UBC: variants seen among roughly 807,000 people sequenced by gnomAD.
The protein encoded by UBC is polyubiquitin-C.
Under a neutral mutation model 34.7 loss-of-function variants are expected in UBC, and 8 were observed. The ratio of observed to expected loss-of-function variants is 0.23; its 90% CI spans 0.14 to 0.42. The LOEUF is 0.42. Ranked by LOEUF, UBC falls within the 10% of genes least tolerant of loss-of-function variation. The pLI, the probability that UBC is intolerant of heterozygous loss-of-function variation, is 1.00. For missense variants in UBC, 323 were observed against 750.3 expected, an observed-to-expected ratio of 0.43 and a Z score of 6.65; for synonymous variants, 367 against 299.8, an observed-to-expected ratio of 1.22 and a Z score of -2.32.
At chr12:124,914,361 GC>G (rs769666417) in intron 1 of UBC, 103 of 157,118 alleles carry the variant, frequency 6.6e-4, no homozygotes, top group Non-Finnish European at 1.2e-3. Flanking sequence ...CGCCCACCAT[GC>G]CCCCCACCTT....
At position 124,912,920 on chromosome 12, in the gene UBC, C is replaced by A. The variant is rs1179068982; in HGVS notation, c.852G>T (p.Leu284=). 3 of 1,609,424 alleles carry A rather than the reference C, an allele frequency of 1.9e-6. No individual in the cohort carries two copies. Among genetic ancestry groups the A allele is most frequent in the Non-Finnish European group, 8.5e-7 (1 of 1,177,902 alleles). ...ACTCTTTCTGGATGTTGTAGTCAGA[C>A]AGGGTGCGCCCATCTTCCAGCTGCT... The part of the protein sequence containing the change: ...AGKQLEDGRT[L]SDYNIQKEST... The change falls in exon 2 of 2, where the codon CTG becomes CTT. Residue 284 remains leucine, a synonymous_variant. Coordinates refer to ENST00000339647, the MANE Select transcript of UBC (RefSeq NM_021009.7).
At position 124,912,822 on chromosome 12, in the gene UBC, A is replaced by G; in HGVS notation, c.950T>C (p.Ile317Thr). The change falls in exon 2 of 2, where the codon ATC becomes ACC. Residue 317 changes from isoleucine (I) to threonine (T), a missense_variant. Transcript: ENST00000339647. ...GTCACTCGGCTCCACTTCGAGAGTG[A>G]TGGTCTTACCAGTCAGGGTCTTCAC... ...IFVKTLTGKT[I>T]TLEVEPSDTI... 1.2e-6 allele frequency: 2 copies of G among 1,604,718 alleles called. No individual in the cohort carries two copies. Among genetic ancestry groups the G allele is most frequent in the South Asian group, 1.1e-5 (1 of 90,668 alleles).
In UBC at chr12:124,913,993, C is replaced by T. The variant is rs2135907902; in HGVS notation, c.-3-219G>A. The T allele has an allele frequency of 4.4e-6, 3 of 683,834 alleles. 1 individual carries two copies. In the East Asian group the frequency reaches 8.8e-5, roughly 20 times the overall value. The allele number at this position is 683,834 out of a possible 1,614,324, so 42.4% of individuals were successfully genotyped here. A position where few individuals can be genotyped will look rare whatever the true frequency, so the allele number is the denominator to read the frequency against. ...CCAGAGAAACTGACGCCTCACTTAT[C>T]CCTCCCCTCACCAGAGGTCCGGCGC... is the stretch of plus-strand genomic sequence containing the variant. On this transcript the variant is annotated intron_variant, in intron 1 of 1. Transcript: ENST00000339647.
At chr12:124,914,054 C>G (rs1403850161) in intron 1 of UBC, 1 of 471,512 alleles carries the variant, frequency 2.1e-6, no homozygotes, top group East Asian at 4.2e-5. Context: ...AGGCCCGAAC[C>G]CTGCGTCCTG....
chr12:124,911,891 G>A lies in UBC; in HGVS notation c.1881C>T (p.Pro627=), dbSNP rs7959. ...CCTTGACATTCTCGATGGTGTCACT[G>A]GGCTCCACCTCGAGGGTGATGGTCT... ...TGKTITLEVE[P]SDTIENVKAK... The change falls in exon 2 of 2, where the codon CCC becomes CCT. Residue 627 remains proline, a synonymous_variant. Coordinates refer to ENST00000339647, the MANE Select transcript of UBC (RefSeq NM_021009.7). 5 of 1,603,266 alleles carry A rather than the reference G, an allele frequency of 3.1e-6. No individual in the cohort carries two copies. The African/African-American group carries it at 6.9e-5, about 22-fold the overall frequency.
chr12:124,913,520 G>A lies in UBC; in HGVS notation c.252C>T (p.Leu84=), dbSNP rs1013555436. 6.3e-6 allele frequency: 10 copies of A among 1,596,268 alleles called. No homozygotes were observed. The African/African-American group carries it at 1.2e-4, about 19-fold the overall frequency. ...CCTCAAGGGTGATGGTCTTGCCAGT[G>A]AGTGTCTTCACGAAGATTTGCATCC... ...RGGMQIFVKT[L]TGKTITLEVE... is the part of the protein sequence containing the mutation. Residue 84 remains leucine, a synonymous_variant, in exon 2 of 2, where the codon CTC becomes CTT. Coordinates refer to ENST00000339647, the MANE Select transcript of UBC (RefSeq NM_021009.7).
intron 1 of UBC, 40 bp from the exon 2 acceptor site, chr12:124,913,814 A>G: frequency 1.2e-6 from 2 of 1,609,290 alleles, no homozygotes; most frequent in Non-Finnish European, 1.7e-6. Context: ...TTAGCGGACA[A>G]TTTACTAGTC....
Position 124,912,950 on chromosome 12 carries a change from G to C in UBC, c.822C>G (p.Ala274=). ...IPPDQQRLIF[A]GKQLEDGRTL... ...TGCGCCCATCTTCCAGCTGCTTTCC[G>C]GCAAAGATCAACCTCTGCTGGTCAG... The change falls in exon 2 of 2, where the codon GCC becomes GCG. Residue 274 remains alanine, a synonymous_variant. Coordinates refer to ENST00000339647, the MANE Select transcript of UBC (RefSeq NM_021009.7). 5 of 1,605,426 alleles carry C rather than the reference G, an allele frequency of 3.1e-6. No homozygotes were observed. In the South Asian group the frequency reaches 4.4e-5, roughly 14 times the overall value.
Position 124,911,774 on chromosome 12 carries a change from G to A in UBC, c.1998C>T (p.Asp666=), listed in dbSNP as rs139145386. 2.6e-4 allele frequency: 422 copies of A among 1,613,992 alleles called. 1 individual carries two copies. In the Middle Eastern group the frequency reaches 3.1e-3, roughly 12 times the overall value. Reference sequence around the variant, plus strand: ...GAGTGGACTCTTTCTGGATGTTGTAGTCAGACAGGGTGCGTCCATCTTCCA... The same window carrying A: ...GAGTGGACTCTTTCTGGATGTTGTAATCAGACAGGGTGCGTCCATCTTCCA... ...KQLEDGRTLS[D]YNIQKESTLH... is the part of the protein sequence containing the mutation. The change falls in exon 2 of 2, where the codon GAC becomes GAT. Residue 666 remains aspartate, a synonymous_variant. Coordinates refer to ENST00000339647, the MANE Select transcript of UBC (RefSeq NM_021009.7).
At position 124,913,199 on chromosome 12, in the gene UBC, A is replaced by C. The variant is rs782195293; in HGVS notation, c.573T>G (p.Asp191Glu). 1.3e-6 allele frequency: 2 copies of C among 1,580,032 alleles called. No individual in the cohort carries two copies. The highest frequency in any genetic ancestry group is 2.3e-5 in the East Asian group (1 of 43,328). Reference sequence around the variant, plus strand: ...TTCCGGCAAAGATCAACCTCTGCTGATCAGGAGGAATGCCTTCCTTATCTT... The same window carrying C: ...TTCCGGCAAAGATCAACCTCTGCTGCTCAGGAGGAATGCCTTCCTTATCTT... Reference protein sequence around the residue: ...KIQDKEGIPPDQQRLIFAGKQ... With the variant: ...KIQDKEGIPPEQQRLIFAGKQ... The change falls in exon 2 of 2, where the codon GAT becomes GAG. Residue 191 changes from aspartate (D) to glutamate (E), a missense_variant. Physicochemically the swap from Asp to Glu is conservative, Grantham distance 45. Around this residue, in one of 5 missense-constraint regions of UBC, gnomAD observed 202 missense variants for 361.9 expected, o/e 0.56. Transcript: ENST00000339647.
chr12:124,913,779 C>CA lies in UBC; in HGVS notation c.-3-6dup, dbSNP rs750901520. The stretch of plus-strand genomic sequence containing the variant: ...CTTCACGAAGATCTGCATTGTCTAA[C>CA]AAAAAAGCCAAAAACGGCCAGAATT... On this transcript the variant is annotated splice_region_variant and splice_polypyrimidine_tract_variant and intron_variant, in intron 1 of 1. Coordinates refer to ENST00000339647, the MANE Select transcript of UBC (RefSeq NM_021009.7). The CA allele has an allele frequency of 2.5e-6, 4 of 1,605,960 alleles. No individual in the cohort carries two copies. The highest frequency in any genetic ancestry group is 2.2e-5 in the South Asian group (2 of 90,642).
Position 124,913,849 on chromosome 12 carries a change from C to CAATGTAA in UBC, c.-3-76_-3-75insTTACATT, listed in dbSNP as rs1953564845. ...CTAACACTGAAAATTACATATTGACCCAAATGATTACATTTCAAAAGGTGC... is the reference window on the plus strand; with the variant it reads ...CTAACACTGAAAATTACATATTGACCAATGTAACAAATGATTACATTTCAAAAGGTGC... On this transcript the variant is annotated intron_variant, in intron 1 of 1. Coordinates refer to ENST00000339647, the MANE Select transcript of UBC (RefSeq NM_021009.7). The CAATGTAA allele has an allele frequency of 1.9e-6, 3 of 1,572,132 alleles. No individual in the cohort carries two copies. The Admixed American group carries it at 5.7e-5, about 30-fold the overall frequency.
At position 124,913,301 on chromosome 12, in the gene UBC, C is replaced by T; in HGVS notation, c.471G>A (p.Val157=). The change falls in exon 2 of 2, where the codon GTG becomes GTA. Residue 157 remains valine, a synonymous_variant. Transcript: ENST00000339647. ...LRLRGGMQIF[V]KTLTGKTITL... is the part of the protein sequence containing the mutation. The stretch of plus-strand genomic sequence containing the variant: ...TGATGGTCTTACCAGTCAGGGTCTT[C>T]ACGAAGATCTGCATCCCACCTCTGA... 1.9e-6 allele frequency: 3 copies of T among 1,609,972 alleles called. No individual in the cohort carries two copies.
chr12:124,913,715 G>C lies in UBC; in HGVS notation c.57C>G (p.Pro19=), dbSNP rs752147004. 62 of 1,613,822 alleles carry C rather than the reference G, an allele frequency of 3.8e-5. 1 individual carries two copies. In the Middle Eastern group the frequency reaches 8.2e-4, roughly 21 times the overall value. ...TGKTITLEVE[P]SDTIENVKAK... ...CCTTGACATTCTCGATGGTGTCACTGGGCTCAACCTCGAGGGTGATGGTCT... is the reference window on the plus strand; with the variant it reads ...CCTTGACATTCTCGATGGTGTCACTCGGCTCAACCTCGAGGGTGATGGTCT... Residue 19 remains proline (P), a synonymous_variant, in exon 2 of 2, where the codon CCC becomes CCG. Transcript: ENST00000339647.
rs1329018921 is a variant in UBC at position 124,913,142 on chromosome 12, G to A, written c.630C>T (p.Asp210=). Reference sequence around the variant, plus strand: ...AGGTGGACTCTTTCTGGATGTTGTAGTCAGACAGGGTACGACCATCTTCCA... The same window carrying A: ...AGGTGGACTCTTTCTGGATGTTGTAATCAGACAGGGTACGACCATCTTCCA... ...KQLEDGRTLS[D]YNIQKESTLH... The change falls in exon 2 of 2, where the codon GAC becomes GAT. Residue 210 remains aspartate (D), a synonymous_variant. Transcript: ENST00000339647. 4 of 1,609,918 alleles carry A rather than the reference G, an allele frequency of 2.5e-6. No homozygotes were observed. The highest frequency in any genetic ancestry group is 3.4e-6 in the Non-Finnish European group (4 of 1,178,248).
At position 124,913,495 on chromosome 12, in the gene UBC, C is replaced by A; in HGVS notation, c.277G>T (p.Val93Phe). The stretch of plus-strand genomic sequence containing the variant: ...TTCTCGATGGTGTCACTGGGCTCGA[C>A]CTCAAGGGTGATGGTCTTGCCAGTG... ...TLTGKTITLE[V>F]EPSDTIENVK... The change falls in exon 2 of 2, where the codon GTC becomes TTC. Residue 93 changes from valine to phenylalanine, a missense_variant. By Grantham distance (50) the Val-to-Phe change is conservative (BLOSUM62 -1). This residue lies in a region of UBC where 202 missense variants were observed against 361.9 expected (regional missense o/e 0.56). Transcript: ENST00000339647. 3 of 1,611,302 alleles carry A rather than the reference C, an allele frequency of 1.9e-6. No homozygotes were observed. The highest frequency in any genetic ancestry group is 2.5e-6 in the Non-Finnish European group (3 of 1,179,066).
chr12:124,913,169 C>T lies in UBC; in HGVS notation c.603G>A (p.Gln201=), dbSNP rs782504822. The T allele has an allele frequency of 1.2e-6, 2 of 1,611,234 alleles. No homozygotes were observed. The highest frequency in any genetic ancestry group is 2.2e-5 in the East Asian group (1 of 44,684). ...CAGACAGGGTACGACCATCTTCCAG[C>T]TGTTTTCCGGCAAAGATCAACCTCT... is the stretch of plus-strand genomic sequence containing the variant. ...DQQRLIFAGK[Q]LEDGRTLSDY... is the part of the protein sequence containing the mutation. Residue 201 remains glutamine (Q), a synonymous_variant, in exon 2 of 2, where the codon CAG becomes CAA. Coordinates refer to ENST00000339647, the MANE Select transcript of UBC (RefSeq NM_021009.7).
rs1953533807 is a variant in UBC, at chr12:124,912,016, G to A, written c.1756C>T (p.Arg586Cys). The change falls in exon 2 of 2, where the codon CGC (arginine) becomes TGC (cysteine). Residue 586 changes from arginine to cysteine, a missense_variant. Arg to Cys is a radical substitution (Grantham distance 180, BLOSUM62 -3). Coordinates refer to ENST00000339647, the MANE Select transcript of UBC (RefSeq NM_021009.7). ...TGGATGTTGTAGTCAGACAGGGTGCGTCCATCTTCCAGCTGTTTCCCAGCA... is the reference window on the plus strand; with the variant it reads ...TGGATGTTGTAGTCAGACAGGGTGCATCCATCTTCCAGCTGTTTCCCAGCA... ...IFAGKQLEDGRTLSDYNIQKE... is the reference protein window; with the variant it reads ...IFAGKQLEDGCTLSDYNIQKE... 2.1e-6 allele frequency: 3 copies of A among 1,420,898 alleles called. No homozygotes were observed. The highest frequency in any genetic ancestry group is 2.9e-6 in the Non-Finnish European group (3 of 1,027,588). The allele number at this position is 1,420,898 out of a possible 1,614,324, so 88.0% of individuals were successfully genotyped here.
In UBC at chr12:124,912,875, G is replaced by A. The variant is rs749385563; in HGVS notation, c.897C>T (p.Leu299=). The stretch of plus-strand genomic sequence containing the variant: ...AGATCTGCATCCCACCTCTGAGACG[G>A]AGCACCAGGTGCAGGGTAGACTCTT... The part of the protein sequence containing the change: ...IQKESTLHLV[L]RLRGGMQIFV... The change falls in exon 2 of 2, where the codon CTC becomes CTT. Residue 299 remains leucine (L), a synonymous_variant. Coordinates refer to ENST00000339647, the MANE Select transcript of UBC (RefSeq NM_021009.7). 9.3e-6 allele frequency: 15 copies of A among 1,609,718 alleles called. No individual in the cohort carries two copies. Among genetic ancestry groups the A allele is most frequent in the Admixed American group, 1.7e-5 (1 of 59,600 alleles).
Sources: gnomAD v4.1 joint callset for allele counts on GRCh38, gnomAD v4.1.1 for gene constraint, gnomAD v4.1.1 regional missense constraint, MANE v1.5 for transcripts, NCBI Gene and HGNC (gene_info 2026-07-23, HGNC 2026-07-21) for gene names.